The following FRS2 variants were observed in gnomAD, a reference collection of about 807,000 sequenced individuals.
FRS2 encodes fibroblast growth factor receptor substrate 2.
A neutral mutation model predicts 43.9 loss-of-function variants in FRS2; 8 were observed. The observed-to-expected ratio is 0.18, with a 90% CI of 0.11 to 0.33. The LOEUF (loss-of-function observed/expected upper bound fraction) is 0.33, where lower values mean the gene tolerates loss of function less well. Ranked by LOEUF, FRS2 falls within the 10% of genes least tolerant of loss-of-function variation. The pLI, the probability that FRS2 is intolerant of heterozygous loss-of-function variation, is 1.00. For synonymous variants in FRS2, 219 were observed against 220.3 expected (o/e 0.99, Z 0.05); for missense variants, 534 against 627.6 (o/e 0.85, Z 1.59).
At chr12:69,514,467 T>C (rs540166404) in intron 1 of FRS2, among the ~76,000 whole-genome samples, 84 of 152,178 alleles carry the variant, frequency 5.5e-4, no homozygotes, top group Non-Finnish European at 1.1e-3. Flanking sequence ...GGGATGCACA[T>C]GTGTGTTTGG....
intron 3 of FRS2, among the ~76,000 whole-genome samples, chr12:69,539,915 A>G (rs1463929825): frequency 2.6e-5 from 4 of 152,036 alleles, no homozygotes; most frequent in African/African-American, 9.7e-5. Flanking sequence ...AGATTGTGCC[A>G]CTGCACTCCA....
At chr12:69,472,492 G>T (rs1157659093) in intron 1 of FRS2, among the ~76,000 whole-genome samples, 2 of 152,158 alleles carry the variant, frequency 1.3e-5, no homozygotes, top group Non-Finnish European at 2.9e-5. Flanking sequence ...GGAATTGAGA[G>T]AATCTGGAAA....
intron 1 of FRS2, among the ~76,000 whole-genome samples, chr12:69,475,561 T>C (rs1015483282): frequency 2.5e-4 from 38 of 152,316 alleles, no homozygotes; most frequent in Middle Eastern, 3.4e-3. Flanking sequence ...TGGATTGTTA[T>C]ACCACTGGAA....
At chr12:69,521,802 G>A (rs1875682047) in intron 1 of FRS2, among the ~76,000 whole-genome samples, 1 of 152,064 alleles carries the variant, frequency 6.6e-6, no homozygotes, top group Non-Finnish European at 1.5e-5. Flanking sequence ...TTTTAGTAGA[G>A]ACGGGATTTC....
intron 1 of FRS2, among the ~76,000 whole-genome samples, chr12:69,476,476 A>T (rs1398458160): frequency 6.6e-6 from 1 of 152,126 alleles, no homozygotes; most frequent in Non-Finnish European, 1.5e-5. Flanking sequence ...TTGGCTTTCC[A>T]TTTCACTTCT....
intron 3 of FRS2, among the ~76,000 whole-genome samples, chr12:69,558,595 C>G (rs1349491263): frequency 6.6e-6 from 1 of 152,128 alleles, no homozygotes; most frequent in African/African-American, 2.4e-5. Flanking sequence ...TTGCCCCTGC[C>G]CTAGCTAACT....
In FRS2 at chr12:69,535,991, A is replaced by C. The variant is rs1472355966; in HGVS notation, c.-122+3935A>C. 2.0e-5 allele frequency among the ~76,000 whole-genome samples: 3 copies of C among 149,508 alleles called. No homozygotes were observed. The South Asian group carries it at 6.3e-4, about 31-fold the overall frequency. ...TTTTATCATTATGAAAGGGCCCTCTATCTGAACACACTTTTAGCCTTACAG... is the reference window on the plus strand; with the variant it reads ...TTTTATCATTATGAAAGGGCCCTCTCTCTGAACACACTTTTAGCCTTACAG... On this transcript the variant is annotated intron_variant, in intron 3 of 8. Coordinates refer to ENST00000549921, the MANE Select transcript of FRS2 (RefSeq NM_001278356.2).
chr12:69,532,983 T>G (rs1265816238), intron 3 of FRS2, among the ~76,000 whole-genome samples: 1 of 152,238 alleles, frequency 6.6e-6, no homozygotes, highest in African/African-American at 2.4e-5. Context: ...TACTTTGATG[T>G]GTTACCACAC....
In FRS2 at chr12:69,577,908, T is replaced by G. The variant is rs1881297236; in HGVS notation, c.*2953T>G. On this transcript the variant is annotated 3_prime_UTR_variant, in exon 9 of 9. Coordinates refer to ENST00000549921, the MANE Select transcript of FRS2 (RefSeq NM_001278356.2). Reference sequence around the variant, plus strand: ...TTAGGAAAATTTGCCAAGCAATCTTTGTTTTTATAGATACTAATGTTGACC... The same window carrying G: ...TTAGGAAAATTTGCCAAGCAATCTTGGTTTTTATAGATACTAATGTTGACC... 6.6e-6 allele frequency: 1 copy of G among 152,626 alleles called. No individual in the cohort carries two copies. The highest frequency in any genetic ancestry group is 1.9e-4 in the East Asian group (1 of 5,202). The allele number at this position is 152,626 out of a possible 1,614,324, so 9.5% of individuals were successfully genotyped here.
At position 69,577,490 on chromosome 12, in the gene FRS2, T is replaced by G. The variant is rs574789171; in HGVS notation, c.*2535T>G. On this transcript the variant is annotated 3_prime_UTR_variant, in exon 9 of 9. Transcript: ENST00000549921. Reference sequence around the variant, plus strand: ...ATTAGCATATAATTGTGGCCATATATCTCAGATTTTCTGAGGCAGATCTAA... The same window carrying G: ...ATTAGCATATAATTGTGGCCATATAGCTCAGATTTTCTGAGGCAGATCTAA... 57 of 152,552 alleles carry G rather than the reference T, an allele frequency of 3.7e-4. No homozygotes were observed. The highest frequency in any genetic ancestry group is 1.2e-3 in the African/African-American group (48 of 41,582). 9.4% of individuals were successfully genotyped at this position (152,552 alleles called of 1,614,324 possible). A position where few individuals can be genotyped will look rare whatever the true frequency, so the allele number is the denominator to read the frequency against.
intron 1 of FRS2, among the ~76,000 whole-genome samples, chr12:69,515,441 G>A (rs971741367): frequency 1.3e-5 from 2 of 152,088 alleles, no homozygotes; most frequent in African/African-American, 4.8e-5. Context: ...CTGATAAAAT[G>A]CTTTGTTTCT....
intron 1 of FRS2, among the ~76,000 whole-genome samples, chr12:69,508,726 A>G (rs1479150190): frequency 1.3e-5 from 2 of 152,118 alleles, no homozygotes; most frequent in African/African-American, 4.8e-5. Flanking sequence ...CCGTTCTTTT[A>G]GTTATTTGTT....
rs1484798068 is a variant in FRS2, at chr12:69,470,449, T to A, written c.-342T>A. 2 of 398,376 alleles carry A rather than the reference T, an allele frequency of 5.0e-6. No individual in the cohort carries two copies. Among genetic ancestry groups the A allele is most frequent in the Admixed American group, 4.4e-5 (1 of 22,718 alleles). 24.7% of individuals were successfully genotyped at this position (398,376 alleles called of 1,614,324 possible). A position where few individuals can be genotyped will look rare whatever the true frequency, so the allele number is the denominator to read the frequency against. On this transcript the variant is annotated 5_prime_UTR_variant, in exon 1 of 9. Coordinates refer to ENST00000549921, the MANE Select transcript of FRS2 (RefSeq NM_001278356.2). ...CGGCTGAGACTCGATCTGCTCCAAG[T>A]AGGGGCTCCAGCGCGGGTCGGAGTC... is the stretch of plus-strand genomic sequence containing the variant.
intron 1 of FRS2, among the ~76,000 whole-genome samples, chr12:69,479,229 T>C (rs1051070678): frequency 2.0e-5 from 3 of 152,082 alleles, no homozygotes; most frequent in African/African-American, 7.2e-5. Flanking sequence ...TAACTTTTTC[T>C]TAGTCTCATT....
chr12:69,520,168 G>A, intron 1 of FRS2, among the ~76,000 whole-genome samples: 1 of 152,104 alleles, frequency 6.6e-6, no homozygotes, highest in East Asian at 1.9e-4. Flanking sequence ...GTGATACTGA[G>A]CTTTTTTTCA....
rs1266666586 is a variant in FRS2 at position 69,576,532 on chromosome 12, G to C, written c.*1577G>C. 1 of 152,126 alleles carries C rather than the reference G, an allele frequency of 6.6e-6. No individual in the cohort carries two copies. Among genetic ancestry groups the C allele is most frequent in the Non-Finnish European group, 1.5e-5 (1 of 68,022 alleles). The allele number at this position is 152,126 out of a possible 1,614,324, so 9.4% of individuals were successfully genotyped here. Reference sequence around the variant, plus strand: ...TTTTACTATTTTCTCTAAATATGAGGAAGTTTGAGATTATGATCTGGATCT... The same window carrying C: ...TTTTACTATTTTCTCTAAATATGAGCAAGTTTGAGATTATGATCTGGATCT... On this transcript the variant is annotated 3_prime_UTR_variant, in exon 9 of 9. Transcript: ENST00000549921.
intron 3 of FRS2, among the ~76,000 whole-genome samples, chr12:69,554,746 C>G (rs1879193187): frequency 6.6e-6 from 1 of 152,212 alleles, no homozygotes; most frequent in Non-Finnish European, 1.5e-5. Context: ...ACACTGTTGC[C>G]CAGGCTAGAG....
intron 1 of FRS2, among the ~76,000 whole-genome samples, chr12:69,500,508 CAAT>C (rs964909712): frequency 1.3e-4 from 20 of 152,166 alleles, no homozygotes; most frequent in East Asian, 5.8e-4. Context: ...AGGTGCCTAA[CAAT>C]GATGAAGAAA....
At chr12:69,496,107 C>G (rs1041334283) in intron 1 of FRS2, among the ~76,000 whole-genome samples, 1 of 152,120 alleles carries the variant, frequency 6.6e-6, no homozygotes, top group Non-Finnish European at 1.5e-5. Context: ...GGTCAAAACT[C>G]TGTCCTAAAA....
Sources: allele counts gnomAD v4.1 joint callset (sites outside exome capture counted in the v4.1 genomes callset), GRCh38; gene constraint gnomAD v4.1.1; transcripts MANE v1.5; gene names NCBI Gene and HGNC (gene_info 2026-07-23, HGNC 2026-07-21).